PAK5: variants seen among roughly 807,000 people sequenced by gnomAD.
The protein encoded by PAK5 is p21 (RAC1) activated kinase 5, also known as serine/threonine-protein kinase PAK 5.
PAK5 carries 16 observed loss-of-function variants against 65.9 expected under a neutral mutation model. That is an observed-to-expected ratio of 0.24 (90% confidence interval 0.16 to 0.37). The LOEUF (loss-of-function observed/expected upper bound fraction) is 0.37, where lower values mean the gene tolerates loss of function less well. PAK5 is among the 10% of genes least tolerant of loss of function. The pLI is 1.00. For synonymous variants in PAK5, 371 were observed against 354.9 expected (o/e 1.05, Z -0.51); for missense variants, 785 against 903.9 (o/e 0.87, Z 1.69).
intron 3 of PAK5, among the ~76,000 whole-genome samples, chr20:9,634,330 A>G (rs942983594): frequency 2.6e-4 from 40 of 152,166 alleles, no homozygotes; most frequent in African/African-American, 9.2e-4. Context: ...TCCAAATAGA[A>G]GAAGTGGTGG....
chr20:9,732,797 G>C (rs1437589459), intron 1 of PAK5, among the ~76,000 whole-genome samples: 1 of 152,146 alleles, frequency 6.6e-6, no homozygotes, highest in South Asian at 2.1e-4. Context: ...CCCCAAAATA[G>C]TAAGACCTCT....
chr20:9,541,300 C>T (rs1420302706), intron 9 of PAK5, among the ~76,000 whole-genome samples: 2 of 152,130 alleles, frequency 1.3e-5, no homozygotes, highest in African/African-American at 2.4e-5. Flanking sequence ...CAGAAATGAT[C>T]CTCTGAGCAA....
At chr20:9,596,185 A>T (rs945242235) in intron 3 of PAK5, among the ~76,000 whole-genome samples, 1 of 152,086 alleles carries the variant, frequency 6.6e-6, no homozygotes, top group Non-Finnish European at 1.5e-5. Context: ...AGTCCTCAGC[A>T]ATTTTAAAAT....
chr20:9,832,087 T>A (rs1303972223), intron 1 of PAK5, among the ~76,000 whole-genome samples: 1 of 151,992 alleles, frequency 6.6e-6, no homozygotes, highest in Non-Finnish European at 1.5e-5. Flanking sequence ...CTTGGGACCT[T>A]AAATACCTTT....
intron 1 of PAK5, among the ~76,000 whole-genome samples, chr20:9,753,899 G>A (rs1161372992): frequency 6.6e-6 from 1 of 152,064 alleles, no homozygotes; most frequent in African/African-American, 2.4e-5. Flanking sequence ...CCCTTATTTT[G>A]TGCTTGGCTT....
At chr20:9,622,975 T>A (rs1014086051) in intron 3 of PAK5, among the ~76,000 whole-genome samples, 3 of 152,252 alleles carry the variant, frequency 2.0e-5, no homozygotes, top group Non-Finnish European at 4.4e-5. Flanking sequence ...TGATGTGTTA[T>A]AAAATTGCTA....
intron 1 of PAK5, among the ~76,000 whole-genome samples, chr20:9,738,439 TA>T (rs2048415561): frequency 6.6e-6 from 1 of 152,186 alleles, no homozygotes; most frequent in Non-Finnish European, 1.5e-5. Flanking sequence ...GGTGAATGTA[TA>T]AACAACTTGT....
chr20:9,598,348 C>A (rs966310964), intron 3 of PAK5, among the ~76,000 whole-genome samples: 2 of 152,172 alleles, frequency 1.3e-5, no homozygotes, highest in Non-Finnish European at 2.9e-5. Context: ...CTTTCTTTAT[C>A]CAGTCTATCA....
At chr20:9,699,513 T>A (rs2047911064) in intron 2 of PAK5, among the ~76,000 whole-genome samples, 1 of 151,264 alleles carries the variant, frequency 6.6e-6, no homozygotes, top group African/African-American at 2.4e-5. Flanking sequence ...AAAAAAATAT[T>A]AAGCTTATGA....
At chr20:9,624,834 C>T (rs2046820713) in intron 3 of PAK5, among the ~76,000 whole-genome samples, 1 of 152,066 alleles carries the variant, frequency 6.6e-6, no homozygotes, top group Non-Finnish European at 1.5e-5. Context: ...AATGTGTGTT[C>T]AAATATGTTA....
intron 3 of PAK5, among the ~76,000 whole-genome samples, chr20:9,632,647 GATC>G (rs1209688409): frequency 2.0e-5 from 3 of 152,186 alleles, no homozygotes; most frequent in Non-Finnish European, 4.4e-5. Flanking sequence ...ATTTCTACAT[GATC>G]GAATCAAAAG....
intron 5 of PAK5, among the ~76,000 whole-genome samples, chr20:9,563,566 A>G (rs937551873): frequency 6.6e-6 from 1 of 152,208 alleles, no homozygotes; most frequent in Non-Finnish European, 1.5e-5. Context: ...GAAAGAATAT[A>G]TATTGAAGAT....
intron 1 of PAK5, among the ~76,000 whole-genome samples, chr20:9,712,039 T>C (rs2048083413): frequency 6.6e-6 from 1 of 152,182 alleles, no homozygotes; most frequent in Non-Finnish European, 1.5e-5. Context: ...CTGTAGCTTA[T>C]GCCTCCACAA....
chr20:9,675,525 T>C (rs2047558235), intron 2 of PAK5, among the ~76,000 whole-genome samples: 1 of 152,150 alleles, frequency 6.6e-6, no homozygotes, highest in Non-Finnish European at 1.5e-5. Flanking sequence ...TTATTTATTT[T>C]AGAGATGGAG....
rs1011612147 is a variant in PAK5, at chr20:9,603,579, C to A, written c.205-22649G>T. 2.6e-5 allele frequency among the ~76,000 whole-genome samples: 4 copies of A among 152,134 alleles called. No individual in the cohort carries two copies. In the East Asian group the frequency reaches 7.7e-4, roughly 29 times the overall value. ...TATTGTTCTTCTTGATGAGCTAATA[C>A]CCCAACTGGTACGTTAGTTAAGCAA... is the stretch of plus-strand genomic sequence containing the variant. On this transcript the variant is annotated intron_variant, in intron 3 of 9. Transcript: ENST00000353224.
intron 3 of PAK5, among the ~76,000 whole-genome samples, chr20:9,640,787 C>T (rs1038322433): frequency 4.6e-5 from 7 of 150,924 alleles, no homozygotes; most frequent in African/African-American, 1.2e-4. Flanking sequence ...TAAGACAGCG[C>T]GTCTGGAGTT....
intron 9 of PAK5, among the ~76,000 whole-genome samples, chr20:9,540,995 C>T (rs896137759): frequency 7.9e-5 from 12 of 152,196 alleles, no homozygotes; most frequent in African/African-American, 2.9e-4. Context: ...CTCGGCCTTC[C>T]AGAGTGCTGG....
chr20:9,674,026 G>A (rs1431642681), intron 2 of PAK5, among the ~76,000 whole-genome samples: 1 of 152,168 alleles, frequency 6.6e-6, no homozygotes, highest in Non-Finnish European at 1.5e-5. Flanking sequence ...TGGGACTGAT[G>A]TAATACATTT....
At chr20:9,601,914 A>T (rs1012653162) in intron 3 of PAK5, among the ~76,000 whole-genome samples, 1 of 152,142 alleles carries the variant, frequency 6.6e-6, no homozygotes, top group African/African-American at 2.4e-5. Context: ...CCAGCCTAAG[A>T]CCCATGAGCA....
Sources: gnomAD v4.1 joint callset for allele counts (sites outside exome capture counted in the v4.1 genomes callset) on GRCh38, gnomAD v4.1.1 for gene constraint, MANE v1.5 for transcripts, NCBI Gene and HGNC (gene_info 2026-07-23, HGNC 2026-07-21) for gene names.